PRUNE1: variants seen among roughly 807,000 people sequenced by gnomAD.
PRUNE1 encodes the protein prune exopolyphosphatase 1, also known as exopolyphosphatase PRUNE1.
Under a neutral mutation model 42.5 loss-of-function variants are expected in PRUNE1, and 25 were observed. That is an observed-to-expected ratio of 0.59 (90% CI 0.43 to 0.82). PRUNE1 has a LOEUF of 0.82. Ranked by LOEUF, PRUNE1 falls within the 40% of genes least tolerant of loss-of-function variation. PRUNE1 has a pLI of 0.00. For missense variants in PRUNE1, 443 were observed against 539.3 expected (o/e 0.82, Z 1.77); for synonymous variants, 203 against 217.1 (o/e 0.93, Z 0.57).
chr1:151,030,949 T>C (rs1227864053), intron 7 of PRUNE1, among the ~76,000 whole-genome samples: 1 of 152,226 alleles, frequency 6.6e-6, no homozygotes, highest in East Asian at 1.9e-4. Flanking sequence ...ATATCATGTG[T>C]AAAGCACACT....
rs1194807803 is a variant in PRUNE1 at position 151,008,587 on chromosome 1, G to A, written c.-46G>A. On this transcript the variant is annotated 5_prime_UTR_variant, in exon 1 of 8. Transcript: ENST00000271620. ...TCGGGGAAACCTCTCCTCGACCAGG[G>A]GCACCTCTACTCGACCAGGGGCGAC... 8.7e-6 allele frequency: 14 copies of A among 1,611,010 alleles called. No homozygotes were observed. Among genetic ancestry groups the A allele is most frequent in the Non-Finnish European group, 1.1e-5 (13 of 1,177,388 alleles).
chr1:151,022,623 G>T (rs888359084), intron 3 of PRUNE1: 2 of 148,616 alleles, frequency 1.3e-5, no homozygotes, highest in Non-Finnish European at 3.0e-5. Context: ...GTTTCACCGT[G>T]TTAGCCAGGA....
chr1:151,024,620 A>T lies in PRUNE1; in HGVS notation c.345A>T (p.Thr115=), dbSNP rs1674703566. The T allele has an allele frequency of 6.2e-7, 1 of 1,607,836 alleles. No homozygotes were observed. Residue 115 remains threonine (T), a synonymous_variant, in exon 4 of 8, where the codon ACA becomes ACT. Transcript: ENST00000271620. ...ACCCTCCCCTCCACAGAAGTGACAC[A>T]GCCCTAGAGGAGGCAGTAGCAGAGG... ...VDHHILSKSD[T]ALEEAVAEVL...
intron 7 of PRUNE1, among the ~76,000 whole-genome samples, chr1:151,029,667 G>A (rs188753707): frequency 6.6e-6 from 1 of 151,108 alleles, no homozygotes; most frequent in East Asian, 2.0e-4. Context: ...GCGCCCAGCC[G>A]AGCTGGAAAG....
intron 1 of PRUNE1, among the ~76,000 whole-genome samples, chr1:151,010,241 G>A (rs1050838539): frequency 7.2e-5 from 11 of 151,894 alleles, no homozygotes; most frequent in Non-Finnish European, 1.6e-4. Flanking sequence ...GTGCCACCAC[G>A]CAGGGCTAAT....
At chr1:151,020,800 T>C (rs1674373904) in intron 3 of PRUNE1, among the ~76,000 whole-genome samples, 2 of 151,054 alleles carry the variant, frequency 1.3e-5, no homozygotes, top group South Asian at 4.2e-4. Context: ...GCTAACATGG[T>C]GAAAACCCGT....
rs1177128896 is a variant in PRUNE1, at chr1:151,018,591, G to A, written c.257G>A (p.Arg86Gln). 25 of 1,613,846 alleles carry A rather than the reference G, an allele frequency of 1.5e-5. No individual in the cohort carries two copies. The highest frequency in any genetic ancestry group is 2.2e-5 in the East Asian group (1 of 44,886). ...ATTCCAGAGAGTATCTTGATTTTTCGGGATGAGATTGACCTCCATGCATTA... is the reference window on the plus strand; with the variant it reads ...ATTCCAGAGAGTATCTTGATTTTTCAGGATGAGATTGACCTCCATGCATTA... Reference protein sequence around the residue: ...VHIPESILIFRDEIDLHALYQ... With the variant: ...VHIPESILIFQDEIDLHALYQ... The change falls in exon 3 of 8, where the codon CGG becomes CAG. Residue 86 changes from arginine to glutamine, a missense_variant. By Grantham distance (43) the Arg-to-Gln change is conservative. Transcript: ENST00000271620.
rs759853011 is a variant in PRUNE1, at chr1:151,034,078, G to A, written c.1206G>A (p.Glu402=). 3 of 1,614,020 alleles carry A rather than the reference G, an allele frequency of 1.9e-6. No homozygotes were observed. Among genetic ancestry groups the A allele is most frequent in the African/African-American group, 1.3e-5 (1 of 74,932 alleles). Reference sequence around the variant, plus strand: ...TGATTTCTGGCCTGAGTCAAGATGAGGAGGACCCTCCGCTGCCCCCGACGC... The same window carrying A: ...TGATTTCTGGCCTGAGTCAAGATGAAGAGGACCCTCCGCTGCCCCCGACGC... ...NSLISGLSQD[E]EDPPLPPTPM... Residue 402 remains glutamate, a synonymous_variant, in exon 8 of 8, where the codon GAG becomes GAA. Transcript: ENST00000271620.
Position 151,034,593 on chromosome 1 carries a change from C to A in PRUNE1, c.*359C>A. 1 of 224,658 alleles carries A rather than the reference C, an allele frequency of 4.5e-6. No homozygotes were observed. Among genetic ancestry groups the A allele is most frequent in the East Asian group, 9.2e-5 (1 of 10,836 alleles). The allele number at this position is 224,658 out of a possible 1,614,324, so 13.9% of individuals were successfully genotyped here. On this transcript the variant is annotated 3_prime_UTR_variant, in exon 8 of 8. Coordinates refer to ENST00000271620, the MANE Select transcript of PRUNE1 (RefSeq NM_021222.3). ...GATCTTGAACAGAACCAGTATCTGTCATGGAACTGAACATTCATCGATGGT... is the reference window on the plus strand; with the variant it reads ...GATCTTGAACAGAACCAGTATCTGTAATGGAACTGAACATTCATCGATGGT...
rs1041102716 is a variant in PRUNE1, at chr1:151,008,492, G to T, written c.-141G>T. ...TCCCGGGGTCGGAGGCCGATTCGCC[G>T]TGTGGCGGGTTCGAGTCCCGCCTCC... On this transcript the variant is annotated 5_prime_UTR_variant, in exon 1 of 8. Coordinates refer to ENST00000271620, the MANE Select transcript of PRUNE1 (RefSeq NM_021222.3). 4 of 1,241,004 alleles carry T rather than the reference G, an allele frequency of 3.2e-6. No individual in the cohort carries two copies. The highest frequency in any genetic ancestry group is 2.3e-5 in the East Asian group (1 of 42,702). The allele number at this position is 1,241,004 out of a possible 1,614,324, so 76.9% of individuals were successfully genotyped here.
chr1:151,018,871 C>T (rs187030099), intron 3 of PRUNE1, among the ~76,000 whole-genome samples: 38 of 151,894 alleles, frequency 2.5e-4, no homozygotes, highest in African/African-American at 7.0e-4. Context: ...GGCAAAACCC[C>T]GTCTCTACTA....
At chr1:151,025,744 TA>T (rs1442302004) in intron 5 of PRUNE1, 71 bp downstream of exon 5, 67 of 1,395,952 alleles carry the variant, frequency 4.8e-5, no homozygotes, top group African/African-American at 2.3e-4. Context: ...TTCATTATAT[TA>T]TTTTTTTTTT....
intron 3 of PRUNE1, among the ~76,000 whole-genome samples, chr1:151,021,893 C>A (rs984614784): frequency 6.6e-6 from 1 of 151,526 alleles, no homozygotes; most frequent in African/African-American, 2.4e-5. Flanking sequence ...GTCTTCAACT[C>A]CTGACCTCAG....
intron 7 of PRUNE1, among the ~76,000 whole-genome samples, chr1:151,032,199 C>T (rs1202216868): frequency 6.6e-6 from 1 of 150,900 alleles, no homozygotes; most frequent in African/African-American, 2.4e-5. Flanking sequence ...GAGCTAAGAT[C>T]GTGCCACTGT....
chr1:151,019,887 G>A (rs1339811820), intron 3 of PRUNE1, among the ~76,000 whole-genome samples: 1 of 151,020 alleles, frequency 6.6e-6, no homozygotes, highest in Non-Finnish European at 1.5e-5. Flanking sequence ...CAGTGCAGTG[G>A]TGTGATCTCG....
intron 6 of PRUNE1, 53 bp downstream of exon 6, chr1:151,027,380 G>A: frequency 6.0e-6 from 8 of 1,327,536 alleles, no homozygotes; most frequent in Non-Finnish European, 7.5e-6. Flanking sequence ...AGCTATGCAT[G>A]TTATGCATGT....
At chr1:151,027,392 G>A (rs775739686) in intron 6 of PRUNE1, 65 bp downstream of exon 6, 20 of 1,156,328 alleles carry the variant, frequency 1.7e-5, no homozygotes, top group Non-Finnish European at 2.2e-5. Context: ...TATGCATGTG[G>A]CCTTGCACCT....
chr1:151,015,186 G>T (rs1187746021), intron 1 of PRUNE1, among the ~76,000 whole-genome samples: 3 of 151,360 alleles, frequency 2.0e-5, no homozygotes, highest in African/African-American at 7.3e-5. Context: ...AAAATTAGCT[G>T]GGTGTGGTGG....
chr1:151,031,003 TC>T (rs1675205986), intron 7 of PRUNE1, among the ~76,000 whole-genome samples: 1 of 152,110 alleles, frequency 6.6e-6, no homozygotes, highest in African/African-American at 2.4e-5. Context: ...CTCTTACTAA[TC>T]CTGTCAGTAA....
Sources: gnomAD v4.1 joint callset for allele counts (sites outside exome capture counted in the v4.1 genomes callset) on GRCh38, gnomAD v4.1.1 for gene constraint, MANE v1.5 for transcripts, NCBI Gene and HGNC (gene_info 2026-07-23, HGNC 2026-07-21) for gene names.